The following RHBDF1 variants were observed in gnomAD, a reference collection of about 807,000 sequenced individuals.
The protein encoded by RHBDF1 is rhomboid 5 homolog 1.
RHBDF1 carries 80 observed loss-of-function variants against 98.6 expected under a neutral mutation model. The observed-to-expected ratio is 0.81, with a 90% confidence interval of 0.68 to 0.98. RHBDF1 has a LOEUF of 0.98. RHBDF1 is among the 50% of genes least tolerant of loss of function. The probability of loss-of-function intolerance (pLI) is 0.00; values close to 1 mark genes in which losing one functional copy is unlikely to be tolerated. For synonymous variants in RHBDF1, 512 were observed against 486.8 expected (o/e 1.05, Z -0.68); for missense variants, 1,116 against 1,198.3 (o/e 0.93, Z 1.01).
chr16:66,260 C>T (rs949237160), intron 1 of RHBDF1, among the ~76,000 whole-genome samples: 1 of 152,184 alleles, frequency 6.6e-6, no homozygotes, highest in Non-Finnish European at 1.5e-5. Context: ...GTCGGCAACC[C>T]ACCCACCAAG....
chr16:59,973 GTC>G (rs1239253951), intron 13 of RHBDF1, 147 bp from the exon 14 acceptor site: 5 of 1,492,692 alleles, frequency 3.3e-6, no homozygotes, highest in Middle Eastern at 2.1e-4. Flanking sequence ...ACCACACTGA[GTC>G]TCTATCAAAC....
chr16:61,753 C>G, intron 8 of RHBDF1, 45 bp downstream of exon 8: 1 of 1,612,276 alleles, frequency 6.2e-7, no homozygotes, highest in Non-Finnish European at 8.5e-7. Flanking sequence ...CCCACCCTCC[C>G]CCGGGAGCCT....
At chr16:62,201 A>C (rs1307700888) in intron 7 of RHBDF1, 149 bp from the exon 8 acceptor site, 1 of 1,144,812 alleles carries the variant, frequency 8.7e-7, no homozygotes, top group Non-Finnish European at 1.2e-6. Flanking sequence ...GTAAAAAAGC[A>C]ACACTGCGGG....
chr16:64,925 T>C lies in RHBDF1; in HGVS notation c.91A>G (p.Thr31Ala), dbSNP rs2075435031. 4 of 1,603,890 alleles carry C rather than the reference T, an allele frequency of 2.5e-6. No homozygotes were observed. In the South Asian group the frequency reaches 3.3e-5, roughly 13 times the overall value. Residue 31 changes from threonine to alanine, a missense_variant, in exon 2 of 18, where the codon ACG becomes GCG. By Grantham distance (58) the Thr-to-Ala change is moderately conservative. Transcript: ENST00000262316. ...TGCAGGAAGCTGGGCTCTTCTGCCG[T>C]CAGGGGCACCGCAGAGGGAATGTCC... ...KLDIPSAVPLTAEEPSFLQPL... is the reference protein window; with the variant it reads ...KLDIPSAVPLAAEEPSFLQPL...
At position 58,736 on chromosome 16, in the gene RHBDF1, G is replaced by C; in HGVS notation, c.2172C>G (p.Phe724Leu). ...RAEVGPAGSQFGILACLFVEL... is the reference protein window; with the variant it reads ...RAEVGPAGSQLGILACLFVEL... Reference sequence around the variant, plus strand: ...CCACGAAGAGGCAGGCCAGGATGCCGAACTGGGAGCCAGCAGGACCCACCT... The same window carrying C: ...CCACGAAGAGGCAGGCCAGGATGCCCAACTGGGAGCCAGCAGGACCCACCT... The change falls in exon 18 of 18, where the codon TTC becomes TTG. Residue 724 changes from phenylalanine to leucine, a missense_variant. Physicochemically the swap from Phe to Leu is conservative, Grantham distance 22 (BLOSUM62 0). Transcript: ENST00000262316. 2 of 1,612,554 alleles carry C rather than the reference G, an allele frequency of 1.2e-6. No homozygotes were observed. Among genetic ancestry groups the C allele is most frequent in the Non-Finnish European group, 1.7e-6 (2 of 1,179,734 alleles).
chr16:64,967 G>C lies in RHBDF1; in HGVS notation c.49C>G (p.Pro17Ala), dbSNP rs757796748. 1.3e-6 allele frequency: 2 copies of C among 1,559,636 alleles called. No homozygotes were observed. The highest frequency in any genetic ancestry group is 1.7e-6 in the Non-Finnish European group (2 of 1,149,740). Residue 17 changes from proline (P) to alanine (A), a missense_variant, in exon 2 of 18, where the codon CCA (proline) becomes GCA (alanine). Physicochemically the swap from Pro to Ala is conservative, Grantham distance 27 (BLOSUM62 -1). Transcript: ENST00000262316. ...DSTSSLQRKKPPWLKLDIPSA... is the reference protein window; with the variant it reads ...DSTSSLQRKKAPWLKLDIPSA... ...GGAATGTCCAGCTTTAGCCAGGGTGGCTTCTTGCGCTGCAGGCTGCTCGTG... is the reference window on the plus strand; with the variant it reads ...GGAATGTCCAGCTTTAGCCAGGGTGCCTTCTTGCGCTGCAGGCTGCTCGTG...
At chr16:72,723 G>C, upstream of RHBDF1, 1 of 982,892 alleles carries the variant, frequency 1.0e-6, no homozygotes, top group Non-Finnish European at 1.2e-6. Context: ...CCGCCCGCCT[G>C]CCCGGCCCAA....
At chr16:69,482 C>G (rs1897916452) in intron 1 of RHBDF1, among the ~76,000 whole-genome samples, 1 of 152,082 alleles carries the variant, frequency 6.6e-6, no homozygotes, top group East Asian at 1.9e-4. Flanking sequence ...TGAGCCTCAT[C>G]CCAGGGGGAT....
At chr16:68,660 G>GT (rs966675647) in intron 1 of RHBDF1, among the ~76,000 whole-genome samples, 2 of 26,586 alleles carry the variant, frequency 7.5e-5, no homozygotes, top group Non-Finnish European at 7.8e-4. Flanking sequence ...AGGACCAGCT[G>GT]GGGGGGCTGC....
intron 3 of RHBDF1, chr16:64,447 G>C: frequency 2.0e-6 from 3 of 1,480,860 alleles, no homozygotes; most frequent in Non-Finnish European, 2.7e-6. Flanking sequence ...GCTGCTAAGA[G>C]GCAAGAGCAT....
At chr16:71,646 G>GAC (rs1441668895) in intron 1 of RHBDF1, among the ~76,000 whole-genome samples, 1 of 152,214 alleles carries the variant, frequency 6.6e-6, no homozygotes, top group African/African-American at 2.4e-5. Context: ...CACCGGGACA[G>GAC]ACACACACAT....
chr16:76,064 C>T (rs2141878603), upstream of RHBDF1, among the ~76,000 whole-genome samples: 1 of 152,310 alleles, frequency 6.6e-6, no homozygotes, highest in Non-Finnish European at 1.5e-5. Context: ...CAGCCTGTGG[C>T]CTATTGTGGA....
At chr16:66,095 A>C (rs1230379820) in intron 1 of RHBDF1, among the ~76,000 whole-genome samples, 1 of 152,246 alleles carries the variant, frequency 6.6e-6, no homozygotes, top group East Asian at 1.9e-4. Context: ...CCACACGGCG[A>C]TTCCAGTGGA....
Position 71,477 on chromosome 16 carries a change from G to A in RHBDF1, c.-25+1036C>T, listed in dbSNP as rs148129886. The stretch of plus-strand genomic sequence containing the variant: ...GGAGGTTGGGGTTAGCTCCACAGGG[G>A]TGAGGAGAACCGAGCCTGGGACTGC... On this transcript the variant is annotated intron_variant, in intron 1 of 17. Transcript: ENST00000262316. 7.3e-3 allele frequency among the ~76,000 whole-genome samples: 1,114 copies of A among 152,306 alleles called. 15 individuals are homozygous for A. Among genetic ancestry groups the A allele is most frequent in the African/African-American group, 0.026 (1,073 of 41,556 alleles).
chr16:64,345 CAA>C, intron 3 of RHBDF1: 2 of 1,362,478 alleles, frequency 1.5e-6, no homozygotes, highest in South Asian at 1.2e-5. Context: ...GAGCAGGGAC[CAA>C]GAGAGAGACT....
At position 65,133 on chromosome 16, in the gene RHBDF1, C is replaced by A. The variant is rs563797430; in HGVS notation, c.-24-94G>T. The stretch of plus-strand genomic sequence containing the variant: ...GGGAGGAGGGAGAAGCAGTGATGAG[C>A]CCAACCGTGGTGCTCATGTCCCCCA... On this transcript the variant is annotated intron_variant, in intron 1 of 17. Coordinates refer to ENST00000262316, the MANE Select transcript of RHBDF1 (RefSeq NM_022450.5). The A allele has an allele frequency of 1.6e-5, 21 of 1,347,564 alleles. No individual in the cohort carries two copies. In the South Asian group the frequency reaches 2.2e-4, roughly 14 times the overall value. 83.5% of individuals were successfully genotyped at this position (1,347,564 alleles called of 1,614,324 possible).
intron 1 of RHBDF1, among the ~76,000 whole-genome samples, chr16:69,124 CAA>C (rs1405500856): frequency 2.0e-5 from 3 of 152,136 alleles, no homozygotes; most frequent in Non-Finnish European, 2.9e-5. Context: ...GCATATGCAA[CAA>C]GAGGGCAGCC....
chr16:64,418 G>C (rs552759685), intron 3 of RHBDF1: 6 of 1,426,608 alleles, frequency 4.2e-6, no homozygotes, highest in Non-Finnish European at 5.6e-6. Context: ...GTGTGGACAC[G>C]CCCGAAGCGT....
chr16:62,105 C>T, intron 7 of RHBDF1, 53 bp from the exon 8 acceptor site: 1 of 1,433,792 alleles, frequency 7.0e-7, no homozygotes, highest in Non-Finnish European at 9.1e-7. Context: ...CTGCTGCAGT[C>T]CCTCCCCGGG....
Sources: gnomAD v4.1 joint callset for allele counts (sites outside exome capture counted in the v4.1 genomes callset) on GRCh38, gnomAD v4.1.1 for gene constraint, MANE v1.5 for transcripts, NCBI Gene and HGNC (gene_info 2026-07-23, HGNC 2026-07-21) for gene names.